Variants in DOCK7 observed in about 807,000 individuals in gnomAD.
The protein encoded by DOCK7 is dedicator of cytokinesis protein 7.
A neutral mutation model predicts 271.0 loss-of-function variants in DOCK7; 138 were observed. That is an observed-to-expected ratio of 0.51 (90% confidence interval 0.44 to 0.59). The LOEUF is 0.59. Among genes scored for constraint, DOCK7 ranks in the 20% least tolerant of loss-of-function variants. The probability of loss-of-function intolerance (pLI) is 0.00; values close to 1 mark genes in which losing one functional copy is unlikely to be tolerated. For synonymous variants in DOCK7, 823 were observed against 876.1 expected, an observed-to-expected ratio of 0.94 and a Z score of 1.07; for missense variants, 2,066 against 2,592.4, an observed-to-expected ratio of 0.80 and a Z score of 4.41.
intron 1 of DOCK7, among the ~76,000 whole-genome samples, chr1:62,685,662 C>G (rs1345342688): frequency 3.3e-5 from 5 of 152,146 alleles, no homozygotes; most frequent in Admixed American, 6.5e-5. Context: ...CTGAATGATT[C>G]ATGAGCCCCT....
At chr1:62,659,898 G>C (rs749190442) in intron 2 of DOCK7, among the ~76,000 whole-genome samples, 1 of 152,154 alleles carries the variant, frequency 6.6e-6, no homozygotes, top group Non-Finnish European at 1.5e-5. Context: ...TATACTCTGT[G>C]TATGTACTAA....
rs1018689417 is a variant in DOCK7 at position 62,475,743 on chromosome 1, A to G, written c.5925T>C (p.Tyr1975=). The G allele has an allele frequency of 3.7e-6, 6 of 1,613,902 alleles. No individual in the cohort carries two copies. In the East Asian group the frequency reaches 1.3e-4, roughly 36 times the overall value. The change falls in exon 46 of 50, where the codon TAT becomes TAC. Residue 1975 remains tyrosine (Y), a synonymous_variant. Coordinates refer to ENST00000635253, the MANE Select transcript of DOCK7 (RefSeq NM_001367561.1). ...GAGTGACATTGACCCTTGTTTTAAT[A>G]TAAGGAAAGGCATGAGACGTAGTCA... ...TILTTSHAFP[Y]IKTRVNVTHK...
intron 4 of DOCK7, among the ~76,000 whole-genome samples, chr1:62,649,237 C>T: frequency 6.6e-6 from 1 of 152,074 alleles, no homozygotes; most frequent in Non-Finnish European, 1.5e-5. Context: ...TAGAGCCAAA[C>T]TGAAGGAACA....
intron 2 of DOCK7, 115 bp from the exon 3 acceptor site, chr1:62,654,274 T>TA (rs1262092070): frequency 9.6e-7 from 1 of 1,038,666 alleles, no homozygotes; most frequent in African/African-American, 1.6e-5. Flanking sequence ...TAGTTCTTTC[T>TA]AAAATTTTCA....
intron 37 of DOCK7, among the ~76,000 whole-genome samples, chr1:62,503,641 A>G (rs1374382144): frequency 6.6e-6 from 1 of 151,814 alleles, no homozygotes; most frequent in African/African-American, 2.4e-5. Context: ...GGGTTTTACT[A>G]TGTCACTCAG....
At chr1:62,475,475 T>A in intron 46 of DOCK7, 124 bp from the exon 47 acceptor site, 1 of 1,289,190 alleles carries the variant, frequency 7.8e-7, no homozygotes, top group South Asian at 1.6e-5. Flanking sequence ...AACAATAAAA[T>A]TCCAAACTTG....
intron 20 of DOCK7, 83 bp from the exon 21 acceptor site, chr1:62,556,072 T>A: frequency 7.2e-7 from 1 of 1,380,892 alleles, no homozygotes; most frequent in East Asian, 2.3e-5. Context: ...TTTGTCATCT[T>A]TGCATACTTT....
Position 62,495,609 on chromosome 1 carries a change from G to A in DOCK7, c.4996C>T (p.Pro1666Ser), listed in dbSNP as rs777165836. The stretch of plus-strand genomic sequence containing the variant: ...TACATTAGATCAATCAACATTTCAG[G>A]ATCCTCCTGGTGTTCCTTCATTTTC... ...TVKMKEHQED[P>S]EMLIDLMYRI... Residue 1666 changes from proline (P) to serine (S), a missense_variant, in exon 39 of 50, where the codon CCT (proline) becomes TCT (serine). Coordinates refer to ENST00000635253, the MANE Select transcript of DOCK7 (RefSeq NM_001367561.1). 1.3e-6 allele frequency: 2 copies of A among 1,586,994 alleles called. No individual in the cohort carries two copies. Among genetic ancestry groups the A allele is most frequent in the Middle Eastern group, 1.7e-4 (1 of 5,984 alleles).
At chr1:62,609,427 C>G (rs908163380) in intron 14 of DOCK7, 1 of 152,108 alleles carries the variant, frequency 6.6e-6, no homozygotes, top group Non-Finnish European at 1.5e-5. Flanking sequence ...TCTTAAAATA[C>G]ACAGTCAAAC....
At chr1:62,681,342 A>G (rs1192834008) in intron 1 of DOCK7, among the ~76,000 whole-genome samples, 1 of 138,124 alleles carries the variant, frequency 7.2e-6, no homozygotes, top group Non-Finnish European at 1.5e-5. Context: ...CAATGAGAAC[A>G]TTTGGACACT....
intron 31 of DOCK7, among the ~76,000 whole-genome samples, chr1:62,515,707 T>G (rs1268456140): frequency 2.0e-5 from 3 of 152,222 alleles, no homozygotes; most frequent in African/African-American, 7.2e-5. Flanking sequence ...CAGGTTTTCC[T>G]GGAACTTTGA....
intron 14 of DOCK7, among the ~76,000 whole-genome samples, chr1:62,593,739 A>G (rs932314430): frequency 6.6e-6 from 1 of 152,200 alleles, no homozygotes; most frequent in African/African-American, 2.4e-5. Flanking sequence ...CTGTCCAAAA[A>G]GACGGTCTAA....
intron 15 of DOCK7, 65 bp from the exon 16 acceptor site, chr1:62,583,319 A>G: frequency 7.0e-7 from 1 of 1,420,988 alleles, no homozygotes; most frequent in Non-Finnish European, 9.9e-7. Flanking sequence ...ATAACTATGT[A>G]AGAATTTGTC....
At chr1:62,599,416 A>G (rs528316469) in intron 14 of DOCK7, among the ~76,000 whole-genome samples, 9 of 152,126 alleles carry the variant, frequency 5.9e-5, no homozygotes, top group African/African-American at 1.7e-4. Flanking sequence ...AAAATTCCCA[A>G]TGAAGACTTA....
chr1:62,668,724 C>T (rs1224101115), intron 1 of DOCK7, among the ~76,000 whole-genome samples: 2 of 151,976 alleles, frequency 1.3e-5, no homozygotes, highest in Non-Finnish European at 2.9e-5. Flanking sequence ...AAAACTCTGT[C>T]TCTACTAAAA....
intron 14 of DOCK7, among the ~76,000 whole-genome samples, chr1:62,591,297 A>G (rs1404393726): frequency 6.6e-6 from 1 of 152,150 alleles, no homozygotes; most frequent in Non-Finnish European, 1.5e-5. Context: ...TAGCTAAATG[A>G]TAAGAACTTA....
intron 16 of DOCK7, among the ~76,000 whole-genome samples, chr1:62,582,892 G>C (rs1192884330): frequency 6.6e-6 from 1 of 152,144 alleles, no homozygotes; most frequent in Non-Finnish European, 1.5e-5. Context: ...GTGTCAGGTG[G>C]AAATAACTGG....
chr1:62,520,037 C>T (rs180944944), intron 31 of DOCK7, among the ~76,000 whole-genome samples: 273 of 151,940 alleles, frequency 1.8e-3, no homozygotes, highest in Admixed American at 3.1e-3. Context: ...TGTTCGGAAC[C>T]GCCTAGCCAT....
chr1:62,465,923 T>C (rs1048546362), intron 48 of DOCK7, among the ~76,000 whole-genome samples: 1 of 152,182 alleles, frequency 6.6e-6, no homozygotes, highest in African/African-American at 2.4e-5. Flanking sequence ...GAAAAGTGTA[T>C]CTGTAGATTA....
Sources: gnomAD v4.1 joint callset for allele counts (sites outside exome capture counted in the v4.1 genomes callset) on GRCh38, gnomAD v4.1.1 for gene constraint, MANE v1.5 for transcripts, NCBI Gene and HGNC (gene_info 2026-07-23, HGNC 2026-07-21) for gene names.